The following HTRA3 variants were observed in gnomAD, a reference collection of about 807,000 sequenced individuals.
The protein encoded by HTRA3 is serine protease HTRA3.
A neutral mutation model predicts 43.2 loss-of-function variants in HTRA3; 41 were observed. The observed-to-expected ratio is 0.95, with a 90% CI of 0.74 to 1.23. The LOEUF (loss-of-function observed/expected upper bound fraction) is 1.23, where lower values mean the gene tolerates loss of function less well. HTRA3 is among the 50% of genes most tolerant of loss of function. HTRA3 has a pLI of 0.00. For missense variants in HTRA3, 628 were observed against 647.1 expected (o/e 0.97, Z 0.32); for synonymous variants, 295 against 287.9 (o/e 1.02, Z -0.25).
intron 1 of HTRA3, 52 bp from the exon 2 acceptor site, chr4:8,282,385 G>A (rs1030341649): frequency 1.4e-6 from 2 of 1,407,446 alleles, no homozygotes; most frequent in African/African-American, 1.4e-5. Context: ...GCCTCTGGGA[G>A]CTGGCAGCAT....
In HTRA3 at chr4:8,282,225, C is replaced by T. The variant is rs911311801; in HGVS notation, c.386-212C>T. Among the ~76,000 whole-genome samples, 18 of 152,274 alleles carry T rather than the reference C, an allele frequency of 1.2e-4. No homozygotes were observed. The South Asian group carries it at 2.5e-3, about 21-fold the overall frequency. On this transcript the variant is annotated intron_variant, in intron 1 of 8. Transcript: ENST00000307358. ...ACGTGGAAGCCTTTTTAACCATTCTCGGGGTGAGCGAGCCCCTTCCCAAAT... is the reference window on the plus strand; with the variant it reads ...ACGTGGAAGCCTTTTTAACCATTCTTGGGGTGAGCGAGCCCCTTCCCAAAT...
chr4:8,269,987 C>G lies in HTRA3; in HGVS notation c.19C>G (p.Leu7Val). MQARAL[L>V]LAALAALALA... ...TGCCGCCATGCAGGCGCGAGCGCTG[C>G]TCCTGGCCGCGTTGGCCGCGCTGGC... The change falls in exon 1 of 9, where the codon CTC (leucine) becomes GTC (valine). Residue 7 changes from leucine to valine, a missense_variant. Physicochemically the swap from Leu to Val is conservative, Grantham distance 32. Transcript: ENST00000307358. The G allele has an allele frequency of 8.0e-7, 1 of 1,244,724 alleles. No individual in the cohort carries two copies. The highest frequency in any genetic ancestry group is 1.0e-6 in the Non-Finnish European group (1 of 998,274). The allele number at this position is 1,244,724 out of a possible 1,614,324, so 77.1% of individuals were successfully genotyped here.
Position 8,279,608 on chromosome 4 carries a change from G to T in HTRA3, c.386-2829G>T, listed in dbSNP as rs554143544. ...TGGGTGTTGGAGTGTCTGAGTCCAGGATGGAGACACACAGGAAGGCAGCCT... is the reference window on the plus strand; with the variant it reads ...TGGGTGTTGGAGTGTCTGAGTCCAGTATGGAGACACACAGGAAGGCAGCCT... On this transcript the variant is annotated intron_variant, in intron 1 of 8. Transcript: ENST00000307358. The surrounding 1 kb of genome is among the most constrained non-coding windows in gnomAD (Gnocchi z 7.4). 1.3e-5 allele frequency among the ~76,000 whole-genome samples: 2 copies of T among 152,296 alleles called. No homozygotes were observed. The highest frequency in any genetic ancestry group is 4.8e-5 in the African/African-American group (2 of 41,548).
chr4:8,286,467 G>A lies in HTRA3; in HGVS notation c.486-94G>A. 8 of 970,714 alleles carry A rather than the reference G, an allele frequency of 8.2e-6. No homozygotes were observed. In the South Asian group the frequency reaches 1.1e-4, roughly 14 times the overall value. The allele number at this position is 970,714 out of a possible 1,614,324, so 60.1% of individuals were successfully genotyped here. On this transcript the variant is annotated intron_variant, in intron 2 of 8. Transcript: ENST00000307358. The surrounding 1 kb of genome is among the most constrained non-coding windows in gnomAD (Gnocchi z 4.9). ...CCTGTGTTCTGTCAGCCACACACTG[G>A]CTCTGCTCCTCGCTGACCAGCCCCA...
Position 8,270,255 on chromosome 4 carries a change from C to G in HTRA3, c.287C>G (p.Thr96Ser). ...GCCGTGTGTGGCACCGACGGGCACA[C>G]CTATGCCAACGTGTGCGCGCTGCAG... ...SHAVCGTDGH[T>S]YANVCALQAA... Residue 96 changes from threonine to serine, a missense_variant, in exon 1 of 9, where the codon ACC becomes AGC. Transcript: ENST00000307358. The G allele has an allele frequency of 6.6e-7, 1 of 1,519,836 alleles. No homozygotes were observed. The highest frequency in any genetic ancestry group is 1.4e-5 in the African/African-American group (1 of 69,984). 94.1% of individuals were successfully genotyped at this position (1,519,836 alleles called of 1,614,324 possible).
intron 6 of HTRA3, among the ~76,000 whole-genome samples, chr4:8,300,890 TTTA>T (rs1366345084): frequency 2.6e-5 from 4 of 151,988 alleles, no homozygotes; most frequent in Admixed American, 1.3e-4. Context: ...CACACTCATC[TTTA>T]TTATTGATTC....
At chr4:8,304,356 A>C in intron 8 of HTRA3, 77 bp downstream of exon 8, 2 of 1,175,726 alleles carry the variant, frequency 1.7e-6, no homozygotes, top group Non-Finnish European at 2.5e-6. Context: ...CACTGACCTC[A>C]TGTGACCTTG....
At chr4:8,298,845 A>G (rs1477132278) in intron 6 of HTRA3, among the ~76,000 whole-genome samples, 1 of 152,210 alleles carries the variant, frequency 6.6e-6, no homozygotes, top group Non-Finnish European at 1.5e-5. Flanking sequence ...TGTTTAGGCC[A>G]ATATTCAGTA....
intron 5 of HTRA3, 25 bp downstream of exon 5, chr4:8,292,378 C>A (rs749659601): frequency 6.2e-6 from 10 of 1,607,508 alleles, no homozygotes; most frequent in Non-Finnish European, 7.7e-6. Context: ...GAGCCAAAAT[C>A]TCTCAGGTTT....
At chr4:8,293,324 AG>A (rs904949780) in intron 5 of HTRA3, among the ~76,000 whole-genome samples, 1 of 152,190 alleles carries the variant, frequency 6.6e-6, no homozygotes, top group Non-Finnish European at 1.5e-5. Flanking sequence ...ATGGGCACAG[AG>A]GGCCGAGGGT....
At chr4:8,285,103 A>G (rs1163385936) in intron 2 of HTRA3, among the ~76,000 whole-genome samples, 3 of 151,724 alleles carry the variant, frequency 2.0e-5, no homozygotes, top group Non-Finnish European at 4.4e-5. Context: ...CTCTGTCTCC[A>G]TCATCTCATG....
In HTRA3 at chr4:8,298,134, A is replaced by G. The variant is rs148143103; in HGVS notation, c.1051+3933A>G. ...TCTGGGCTCCTCCGGATGCTGCCCC[A>G]TCCTCCACAGACCCTCCCACAGCCA... On this transcript the variant is annotated intron_variant, in intron 6 of 8. Transcript: ENST00000307358. 5.1e-3 allele frequency among the ~76,000 whole-genome samples: 779 copies of G among 152,278 alleles called. 13 individuals carry two copies. Among genetic ancestry groups the G allele is most frequent in the African/African-American group, 0.018 (748 of 41,556 alleles).
Position 8,295,885 on chromosome 4 carries a change from C to G in HTRA3, c.1051+1684C>G. ...TCCATTATGGGAAGACAATCTGGAG[C>G]CAGGCAGAGCCTGTCTTTCCCAAAG... On this transcript the variant is annotated intron_variant, in intron 6 of 8. Coordinates refer to ENST00000307358, the MANE Select transcript of HTRA3 (RefSeq NM_053044.5). The surrounding 1 kb of genome is among the most constrained non-coding windows in gnomAD (Gnocchi z 6.9). 2.4e-6 allele frequency: 3 copies of G among 1,234,860 alleles called. No homozygotes were observed. The highest frequency in any genetic ancestry group is 3.0e-6 in the Non-Finnish European group (3 of 988,678). The allele number at this position is 1,234,860 out of a possible 1,614,324, so 76.5% of individuals were successfully genotyped here. A position where few individuals can be genotyped will look rare whatever the true frequency, so the allele number is the denominator to read the frequency against.
Position 8,286,500 on chromosome 4 carries a change from G to A in HTRA3, c.486-61G>A, listed in dbSNP as rs999642859. On this transcript the variant is annotated intron_variant, in intron 2 of 8. Coordinates refer to ENST00000307358, the MANE Select transcript of HTRA3 (RefSeq NM_053044.5). This position sits in a 1 kb window ranked among gnomAD's most constrained non-coding sequence, Gnocchi z 4.9. ...CCTCGCTGACCAGCCCCACCACTGC[G>A]CCTGACTCCCCCGCGTCCTAGCCCC... 18 of 1,396,104 alleles carry A rather than the reference G, an allele frequency of 1.3e-5. No homozygotes were observed. Among genetic ancestry groups the A allele is most frequent in the Admixed American group, 5.1e-5 (3 of 58,940 alleles). The allele number at this position is 1,396,104 out of a possible 1,614,324, so 86.5% of individuals were successfully genotyped here.
chr4:8,275,000 G>T (rs1578787119), intron 1 of HTRA3, among the ~76,000 whole-genome samples: 1 of 152,140 alleles, frequency 6.6e-6, no homozygotes, highest in African/African-American at 2.4e-5. Flanking sequence ...CAGCATCTGG[G>T]ACCACTCAGG....
rs145082360 is a variant in HTRA3, at chr4:8,292,197, G to A, written c.904-124G>A. On this transcript the variant is annotated intron_variant, in intron 4 of 8. Coordinates refer to ENST00000307358, the MANE Select transcript of HTRA3 (RefSeq NM_053044.5). ...AATGGGGGCAGCACTGAGGCCTTTC[G>A]ATGCTGCTGAGGATGAGACCTGCTT... 2.7e-4 allele frequency: 212 copies of A among 781,496 alleles called. No individual in the cohort carries two copies. In the African/African-American group the frequency reaches 3.0e-3, roughly 11 times the overall value. The allele number at this position is 781,496 out of a possible 1,614,324, so 48.4% of individuals were successfully genotyped here. A position where few individuals can be genotyped will look rare whatever the true frequency, so the allele number is the denominator to read the frequency against.
intron 5 of HTRA3, among the ~76,000 whole-genome samples, chr4:8,293,741 T>C (rs546831686): frequency 2.1e-4 from 32 of 152,202 alleles, no homozygotes; most frequent in African/African-American, 7.2e-4. Context: ...GGCCTTACCA[T>C]GTTCCTCCCT....
chr4:8,270,240 G>A lies in HTRA3; in HGVS notation c.272G>A (p.Gly91Asp). The A allele has an allele frequency of 2.0e-6, 3 of 1,528,734 alleles. No individual in the cohort carries two copies. Among genetic ancestry groups the A allele is most frequent in the Non-Finnish European group, 1.7e-6 (2 of 1,148,222 alleles). 94.7% of individuals were successfully genotyped at this position (1,528,734 alleles called of 1,614,324 possible). A position where few individuals can be genotyped will look rare whatever the true frequency, so the allele number is the denominator to read the frequency against. ...CRCRWSHAVC[G>D]TDGHTYANVC... ...TGCCGCTGGTCGCACGCCGTGTGTGGCACCGACGGGCACACCTATGCCAAC... is the reference window on the plus strand; with the variant it reads ...TGCCGCTGGTCGCACGCCGTGTGTGACACCGACGGGCACACCTATGCCAAC... The change falls in exon 1 of 9, where the codon GGC becomes GAC. Residue 91 changes from glycine to aspartate, a missense_variant. By Grantham distance (94) the Gly-to-Asp change is moderately conservative. Coordinates refer to ENST00000307358, the MANE Select transcript of HTRA3 (RefSeq NM_053044.5).
chr4:8,270,328 G>A lies in HTRA3; in HGVS notation c.360G>A (p.Gln120=). ...ALQLSGTPVR[Q]LQKGACPLGL... Reference sequence around the variant, plus strand: ...AGCTCTCCGGGACGCCCGTGCGCCAGCTGCAGAAGGGCGCCTGCCCGTTGG... The same window carrying A: ...AGCTCTCCGGGACGCCCGTGCGCCAACTGCAGAAGGGCGCCTGCCCGTTGG... The change falls in exon 1 of 9, where the codon CAG becomes CAA. Residue 120 remains glutamine (Q), a synonymous_variant. Coordinates refer to ENST00000307358, the MANE Select transcript of HTRA3 (RefSeq NM_053044.5). The A allele has an allele frequency of 6.9e-7, 1 of 1,439,552 alleles. No individual in the cohort carries two copies. 89.2% of individuals were successfully genotyped at this position (1,439,552 alleles called of 1,614,324 possible). A position where few individuals can be genotyped will look rare whatever the true frequency, so the allele number is the denominator to read the frequency against.
Sources: gnomAD v4.1 joint callset for allele counts (sites outside exome capture counted in the v4.1 genomes callset) on GRCh38, gnomAD v4.1.1 for gene constraint, Gnocchi (gnomAD v3.1) non-coding constraint, MANE v1.5 for transcripts, NCBI Gene and HGNC (gene_info 2026-07-23, HGNC 2026-07-21) for gene names.